Variants in SLC16A4 observed in about 807,000 individuals in gnomAD.
SLC16A4 encodes the protein probable monocarboxylate transporter 5.
In SLC16A4, 39 loss-of-function variants were observed where a neutral mutation model predicts 47.9. That is an observed-to-expected ratio of 0.81 (90% CI 0.63 to 1.06). The LOEUF is 1.06. Ranked by LOEUF, SLC16A4 falls within the 50% of genes least tolerant of loss-of-function variation. The pLI is 0.00. For synonymous variants in SLC16A4, 189 were observed against 199.9 expected (o/e 0.95, Z 0.46); for missense variants, 524 against 573.8 (o/e 0.91, Z 0.89).
chr1:110,389,174 G>T (rs1570661371), intron 2 of SLC16A4, 63 bp downstream of exon 2: 1 of 1,323,660 alleles, frequency 7.6e-7, no homozygotes, highest in Non-Finnish European at 1.1e-6. Context: ...AGGCAGCTCT[G>T]AGCCTTTCTC....
intron 8 of SLC16A4, among the ~76,000 whole-genome samples, chr1:110,368,471 A>T (rs1401449995): frequency 1.3e-5 from 2 of 152,224 alleles, no homozygotes; most frequent in Non-Finnish European, 2.9e-5. Context: ...CCTGAGATGC[A>T]TGTTAATAAT....
At chr1:110,374,978 T>C (rs1351588276) in intron 8 of SLC16A4, 3 of 153,442 alleles carry the variant, frequency 2.0e-5, no homozygotes, top group Admixed American at 6.5e-5. Context: ...AGTCGTTCAT[T>C]GTTTTTTTTG....
chr1:110,375,983 G>A (rs532146087), intron 7 of SLC16A4, among the ~76,000 whole-genome samples: 280 of 152,156 alleles, frequency 1.8e-3, no homozygotes, highest in Middle Eastern at 0.014. Context: ...AGGCTCAAGC[G>A]ATCCTCCCAG....
At chr1:110,389,123 T>A in intron 2 of SLC16A4, 114 bp downstream of exon 2, 41 of 870,588 alleles carry the variant, frequency 4.7e-5, no homozygotes, top group Non-Finnish European at 7.4e-5. Context: ...TGCCCACCCC[T>A]CCACTCAGAT....
rs539203510 is a variant in SLC16A4 at position 110,376,141 on chromosome 1, T to G, written c.1243-590A>C. Reference sequence around the variant, plus strand: ...ATCCACCTGCCTCTGCCTCCCAAAGTGCTGGGATTACAGGTGTGAGCCACC... The same window carrying G: ...ATCCACCTGCCTCTGCCTCCCAAAGGGCTGGGATTACAGGTGTGAGCCACC... On this transcript the variant is annotated intron_variant, in intron 7 of 8. Transcript: ENST00000369779. Among the ~76,000 whole-genome samples the G allele has an allele frequency of 2.0e-5, 3 of 152,116 alleles. No individual in the cohort carries two copies. The South Asian group carries it at 6.2e-4, about 32-fold the overall frequency.
intron 6 of SLC16A4, among the ~76,000 whole-genome samples, chr1:110,377,697 G>A (rs1253550731): frequency 6.6e-6 from 1 of 152,150 alleles, no homozygotes; most frequent in Non-Finnish European, 1.5e-5. Flanking sequence ...TATGTAGGAA[G>A]TTTGGAAATG....
intron 8 of SLC16A4, among the ~76,000 whole-genome samples, chr1:110,369,859 C>T (rs1557902258): frequency 6.6e-6 from 1 of 152,232 alleles, no homozygotes; most frequent in African/African-American, 2.4e-5. Context: ...GTGCCATGAT[C>T]GGAAAAATCT....
rs1328645474 is a variant in SLC16A4, at chr1:110,376,504, C to A, written c.1242+446G>T. Among the ~76,000 whole-genome samples, 2 of 152,158 alleles carry A rather than the reference C, an allele frequency of 1.3e-5. 1 individual carries two copies. The highest frequency in any genetic ancestry group is 2.9e-5 in the Non-Finnish European group (2 of 68,024). Reference sequence around the variant, plus strand: ...GTAAAAATGGAGAGGAAGTATAAAACAATGGCCCTGTGAAAGTACACAGGA... The same window carrying A: ...GTAAAAATGGAGAGGAAGTATAAAAAAATGGCCCTGTGAAAGTACACAGGA... On this transcript the variant is annotated intron_variant, in intron 7 of 8. Transcript: ENST00000369779.
intron 2 of SLC16A4, among the ~76,000 whole-genome samples, chr1:110,388,494 G>A (rs1010334227): frequency 6.6e-6 from 1 of 152,156 alleles, no homozygotes; most frequent in African/African-American, 2.4e-5. Flanking sequence ...ATCGGTAGAA[G>A]GGGCTGTGCC....
At chr1:110,387,689 A>T (rs948393853) in intron 2 of SLC16A4, among the ~76,000 whole-genome samples, 1 of 152,194 alleles carries the variant, frequency 6.6e-6, no homozygotes, top group African/African-American at 2.4e-5. Flanking sequence ...GTTACTGGGG[A>T]GAAAGGCAGG....
intron 8 of SLC16A4, chr1:110,373,020 GTCTA>G (rs769112688): frequency 1.3e-5 from 2 of 152,062 alleles, no homozygotes; most frequent in Admixed American, 1.3e-4. Context: ...CTCTGTGGTA[GTCTA>G]TCTTTTTCCA....
intron 7 of SLC16A4, 130 bp from the exon 8 acceptor site, chr1:110,375,681 G>A: frequency 1.8e-6 from 1 of 551,208 alleles, no homozygotes; most frequent in Non-Finnish European, 3.3e-6. Context: ...GAGTTGGTTG[G>A]CTTTTTGCCC....
chr1:110,381,012 T>C lies in SLC16A4; in HGVS notation c.496A>G (p.Lys166Glu). 1 of 1,614,128 alleles carries C rather than the reference T, an allele frequency of 6.2e-7. No homozygotes were observed. Among genetic ancestry groups the C allele is most frequent in the Non-Finnish European group, 8.5e-7 (1 of 1,180,002 alleles). ...CAGTCATACAGATCTATCAGGAATT[T>C]TGTAAAGGGTGCCAAAAGAAAAGTC... ...GLTFLLAPFT[K>E]FLIDLYDWTG... The change falls in exon 5 of 9, where the codon AAA becomes GAA. Residue 166 changes from lysine to glutamate, a missense_variant. Physicochemically the swap from Lys to Glu is moderately conservative, Grantham distance 56 (BLOSUM62 1). Coordinates refer to ENST00000369779, the MANE Select transcript of SLC16A4 (RefSeq NM_004696.3).
chr1:110,380,554 C>T (rs555717312), intron 5 of SLC16A4, among the ~76,000 whole-genome samples: 2 of 140,424 alleles, frequency 1.4e-5, no homozygotes, highest in Admixed American at 8.2e-5. Context: ...TCAGTGAGTC[C>T]GATGGGGGAG....
intron 8 of SLC16A4, 153 bp from the exon 9 acceptor site, chr1:110,364,046 T>C: frequency 1.6e-6 from 1 of 624,930 alleles, no homozygotes; most frequent in Non-Finnish European, 2.5e-6. Context: ...ACTGATGAAG[T>C]TGAATCAGCT....
intron 8 of SLC16A4, 23 bp from the exon 9 acceptor site, chr1:110,363,916 G>T (rs1661221492): frequency 1.3e-6 from 2 of 1,586,456 alleles, no homozygotes; most frequent in Admixed American, 1.8e-5. Flanking sequence ...AATGATTTCT[G>T]TTAGGGAAGG....
At chr1:110,377,652 A>G (rs561769031) in intron 6 of SLC16A4, among the ~76,000 whole-genome samples, 1 of 152,190 alleles carries the variant, frequency 6.6e-6, no homozygotes. Context: ...AGTTTTAGGA[A>G]GTAAGTCCTC....
chr1:110,380,058 C>CAAAAAAAAAAAAAAAAAAAAAAAAAAA lies in SLC16A4; in HGVS notation c.527-703_527-702insTTTTTTTTTTTTTTTTTTTTTTTTTTT, dbSNP rs542273389. 1.1e-3 allele frequency among the ~76,000 whole-genome samples: 101 copies of CAAAAAAAAAAAAAAAAAAAAAAAAAAA among 96,164 alleles called. 13 individuals are homozygous for CAAAAAAAAAAAAAAAAAAAAAAAAAAA. The East Asian group carries it at 0.024, about 22-fold the overall frequency. The allele number at this position is 96,164 out of a possible 152,430, so 63.1% of individuals were successfully genotyped here. ...AATGACAAAGCGAGAGAGCCTGTCT[C>CAAAAAAAAAAAAAAAAAAAAAAAAAAA]AAAAAAAAAAAAAAAGCAGCGGGAG... On this transcript the variant is annotated intron_variant, in intron 5 of 8. Coordinates refer to ENST00000369779, the MANE Select transcript of SLC16A4 (RefSeq NM_004696.3).
At chr1:110,386,293 G>T (rs577541248) in intron 2 of SLC16A4, among the ~76,000 whole-genome samples, 4 of 152,264 alleles carry the variant, frequency 2.6e-5, no homozygotes, top group African/African-American at 9.6e-5. Context: ...TTCCAACTTT[G>T]TTTCAGTTTT....
Sources: gnomAD v4.1 joint callset for allele counts (sites outside exome capture counted in the v4.1 genomes callset) on GRCh38, gnomAD v4.1.1 for gene constraint, MANE v1.5 for transcripts, NCBI Gene and HGNC (gene_info 2026-07-23, HGNC 2026-07-21) for gene names.